CCDC57: variants seen among roughly 807,000 people sequenced by gnomAD.
CCDC57 encodes coiled-coil domain containing 57.
In CCDC57, 118 loss-of-function variants were observed where a neutral mutation model predicts 118.9. The ratio of observed to expected loss-of-function variants is 0.99; its 90% CI spans 0.86 to 1.16. The LOEUF (loss-of-function observed/expected upper bound fraction) is 1.16. CCDC57 is among the 50% of genes most tolerant of loss of function. The probability of loss-of-function intolerance (pLI) is 0.00; values close to 1 mark genes in which losing one functional copy is unlikely to be tolerated. For synonymous variants in CCDC57, 527 were observed against 532.9 expected, an observed-to-expected ratio of 0.99 and a Z score of 0.15; for missense variants, 1,300 against 1,320.7, an observed-to-expected ratio of 0.98 and a Z score of 0.24.
chr17:82,178,593 G>A, exon 11 of CCDC57: 2 of 1,612,368 alleles, frequency 1.2e-6, no homozygotes, highest in South Asian at 2.2e-5. Flanking sequence ...GTCTCCTGCA[G>A]CTTGGCAGCA....
chr17:82,142,903 G>A (rs200025141), intron 16 of CCDC57, among the ~76,000 whole-genome samples: 7 of 152,052 alleles, frequency 4.6e-5, no homozygotes, highest in Non-Finnish European at 7.4e-5. Flanking sequence ...CGTGGCTCAC[G>A]CCTGTAATCC....
intron 2 of CCDC57, among the ~76,000 whole-genome samples, chr17:82,203,272 C>T (rs2049212319): frequency 6.6e-6 from 1 of 152,148 alleles, no homozygotes; most frequent in Admixed American, 6.5e-5. Context: ...TAAAAGTTTC[C>T]TGAGGCCTCC....
At chr17:82,120,918 G>A (rs1309305033) in intron 19 of CCDC57, among the ~76,000 whole-genome samples, 1 of 152,128 alleles carries the variant, frequency 6.6e-6, no homozygotes, top group African/African-American at 2.4e-5. Flanking sequence ...ACCACGCCCG[G>A]CTAATTTTTT....
chr17:82,188,404 G>T, exon 8 of CCDC57: 1 of 1,611,282 alleles, frequency 6.2e-7, no homozygotes. Context: ...TGGCCAGACG[G>T]TCGAGCTCCT....
chr17:82,189,289 C>A (rs1237304799), intron 7 of CCDC57, among the ~76,000 whole-genome samples: 1 of 145,564 alleles, frequency 6.9e-6, no homozygotes, highest in Non-Finnish European at 1.5e-5. Flanking sequence ...ACATTAGCAA[C>A]AGTATTAAAT....
At chr17:82,198,975 A>G (rs1485161283) in intron 3 of CCDC57, among the ~76,000 whole-genome samples, 1 of 147,138 alleles carries the variant, frequency 6.8e-6, no homozygotes, top group Non-Finnish European at 1.5e-5. Flanking sequence ...CCTGGGCGAC[A>G]GAGCGAGACT....
At chr17:82,134,356 GAC>G (rs1207522288) in intron 16 of CCDC57, 162 bp from the exon 16 acceptor site, 2 of 550,408 alleles carry the variant, frequency 3.6e-6, no homozygotes, top group Non-Finnish European at 5.5e-6. Context: ...AGTGAACTGT[GAC>G]ACACAGCATT....
exon 14 of CCDC57, chr17:82,163,335 T>C: frequency 6.2e-7 from 1 of 1,613,922 alleles, no homozygotes; most frequent in Non-Finnish European, 8.5e-7. Flanking sequence ...ACCCTCCGGC[T>C]TGACCAGCTT....
intron 16 of CCDC57, among the ~76,000 whole-genome samples, chr17:82,148,397 G>T (rs1228696123): frequency 2.8e-3 from 29 of 10,254 alleles, no homozygotes; most frequent in South Asian, 5.6e-3. Flanking sequence ...GGATGAATGG[G>T]TGGGTGGATG....
intron 13 of CCDC57, among the ~76,000 whole-genome samples, chr17:82,164,072 T>C (rs1479141848): frequency 6.6e-6 from 1 of 151,648 alleles, no homozygotes; most frequent in Non-Finnish European, 1.5e-5. Flanking sequence ...TTAAAAAGAA[T>C]GACCAAATTA....
chr17:82,167,867 T>C lies in CCDC57; in HGVS notation c.1882+3834A>G, dbSNP rs560333638. 2.9e-3 allele frequency among the ~76,000 whole-genome samples: 446 copies of C among 152,030 alleles called. 3 individuals carry two copies. The highest frequency in any genetic ancestry group is 5.4e-3 in the Non-Finnish European group (366 of 67,932). On this transcript the variant is annotated intron_variant, in intron 13 of 19. Transcript: ENST00000665763. ...CTGACCTCAGGTGATCCACCTGCCT[T>C]GGCCTCCCAAAGTGCTGGGATGACA...
intron 14 of CCDC57, among the ~76,000 whole-genome samples, chr17:82,158,826 G>A (rs1029992864): frequency 6.6e-6 from 1 of 151,774 alleles, no homozygotes; most frequent in Admixed American, 6.6e-5. Context: ...CCAAAGTGTT[G>A]GGATTACACG....
At chr17:82,202,618 C>T (rs4072579) in intron 2 of CCDC57, among the ~76,000 whole-genome samples, 69,390 of 151,524 alleles carry the variant, frequency 0.46, 16,685 homozygotes, top group East Asian at 0.88. Context: ...TGCATGGTGG[C>T]GCATGCCTGT....
intron 17 of CCDC57, among the ~76,000 whole-genome samples, chr17:82,133,565 T>TAA (rs146265434): frequency 4.3e-5 from 6 of 140,252 alleles, no homozygotes; most frequent in Admixed American, 7.2e-5. Context: ...AATGAAAAAA[T>TAA]AAAAAAAAAT....
chr17:82,179,088 T>C, exon 10 of CCDC57: 1 of 1,614,010 alleles, frequency 6.2e-7, no homozygotes. Flanking sequence ...CTGGTCCCTT[T>C]CAATGTCATC....
chr17:82,151,370 GAACCTGGCA>G lies in CCDC57; in HGVS notation c.2455+181_2455+189del, dbSNP rs1387556341. Among the ~76,000 whole-genome samples the G allele has an allele frequency of 3.9e-3, 585 of 150,962 alleles. 20 individuals are homozygous for G. The highest frequency in any genetic ancestry group is 0.014 in the African/African-American group (554 of 41,004). ...ACACCCAGAACCTGGCACACACCCA[GAACCTGGCA>G]CACACCCAGAACCTGACCCACACCC... is the stretch of plus-strand genomic sequence containing the variant. On this transcript the variant is annotated intron_variant, in intron 16 of 19. Coordinates refer to ENST00000665763, the Ensembl canonical transcript of CCDC57.
At chr17:82,195,335 C>T (rs1484030545) in exon 5 of CCDC57, 1 of 1,599,418 alleles carries the variant, frequency 6.3e-7, no homozygotes, top group Admixed American at 1.7e-5. Flanking sequence ...CCCTCTTCCG[C>T]ATTTTCGATT....
At chr17:82,135,793 C>T (rs1457591384) in intron 16 of CCDC57, among the ~76,000 whole-genome samples, 6 of 142,718 alleles carry the variant, frequency 4.2e-5, no homozygotes, top group Non-Finnish European at 9.1e-5. Context: ...GGTGCGGTGG[C>T]TCACACCTGT....
intron 16 of CCDC57, among the ~76,000 whole-genome samples, chr17:82,136,479 A>G (rs1351374586): frequency 6.6e-6 from 1 of 151,850 alleles, no homozygotes; most frequent in Admixed American, 6.6e-5. Flanking sequence ...TCTGGAACAA[A>G]TGATGATGCT....
Sources: gnomAD v4.1 joint callset for allele counts (sites outside exome capture counted in the v4.1 genomes callset) on GRCh38, gnomAD v4.1.1 for gene constraint, MANE v1.5 for transcripts, NCBI Gene and HGNC (gene_info 2026-07-23, HGNC 2026-07-21) for gene names.